The following IQSEC1 variants were observed in gnomAD, a reference collection of about 807,000 sequenced individuals.
IQSEC1 encodes the protein IQ motif and Sec7 domain ArfGEF 1, also known as IQ motif and SEC7 domain-containing protein 1.
In IQSEC1, 31 loss-of-function variants were observed where a neutral mutation model predicts 91.0. That is an observed-to-expected ratio of 0.34 (90% CI 0.26 to 0.46). The LOEUF (loss-of-function observed/expected upper bound fraction) is 0.46, where lower values mean the gene tolerates loss of function less well. Ranked by LOEUF, IQSEC1 falls within the 20% of genes least tolerant of loss-of-function variation. The probability of loss-of-function intolerance (pLI) is 1.00; values close to 1 mark genes in which losing one functional copy is unlikely to be tolerated. For synonymous variants in IQSEC1, 699 were observed against 662.6 expected (o/e 1.05, Z -0.84); for missense variants, 1,388 against 1,575.6 (o/e 0.88, Z 2.02).
intron 2 of IQSEC1, among the ~76,000 whole-genome samples, chr3:13,135,492 G>C (rs1256957454): frequency 6.6e-6 from 1 of 152,244 alleles, no homozygotes; most frequent in Non-Finnish European, 1.5e-5. Flanking sequence ...GGCCCAGGAG[G>C]TGACATGGGC....
At chr3:12,933,568 G>A (rs1697899474) in intron 3 of IQSEC1, among the ~76,000 whole-genome samples, 1 of 152,234 alleles carries the variant, frequency 6.6e-6, no homozygotes, top group Admixed American at 6.5e-5. Flanking sequence ...TCACCGCCCT[G>A]GGAGGAGGGT....
chr3:13,121,543 G>A (rs1282995991), intron 2 of IQSEC1, among the ~76,000 whole-genome samples: 2 of 152,194 alleles, frequency 1.3e-5, no homozygotes, highest in African/African-American at 4.8e-5. Flanking sequence ...TGTGGCCTGT[G>A]GGGGAGAAGG....
intron 12 of IQSEC1, among the ~76,000 whole-genome samples, chr3:12,903,039 T>G (rs901526051): frequency 5.3e-5 from 8 of 151,986 alleles, no homozygotes; most frequent in Non-Finnish European, 8.8e-5. Context: ...AAAATAAAGT[T>G]TTCGAAAAGC....
chr3:13,024,618 G>C (rs1425295911), intron 1 of IQSEC1, among the ~76,000 whole-genome samples: 1 of 141,084 alleles, frequency 7.1e-6, no homozygotes, highest in Non-Finnish European at 1.5e-5. Context: ...CCACCCATCT[G>C]TCCATCATCC....
chr3:13,236,831 C>T (rs1355649102), intron 1 of IQSEC1, among the ~76,000 whole-genome samples: 2 of 152,248 alleles, frequency 1.3e-5, no homozygotes, highest in African/African-American at 4.8e-5. Flanking sequence ...TCACCCCATG[C>T]AGCTGATGAT....
At position 13,271,759 on chromosome 3, in the gene IQSEC1, C is replaced by T. The variant is rs541711081; in HGVS notation, c.272+10952G>A. On this transcript the variant is annotated intron_variant, in intron 1 of 15. Coordinates refer to the IQSEC1 transcript ENST00000648114. ...ACAGTGAGCTCTGATTGCACCATTG[C>T]ACTCCAACCTGGATGACAGAGCAAG... Among the ~76,000 whole-genome samples, 160 of 152,300 alleles carry T rather than the reference C, an allele frequency of 1.1e-3. 3 individuals carry two copies. The highest frequency in any genetic ancestry group is 2.8e-4 in the Non-Finnish European group (19 of 68,032).
chr3:12,980,023 G>A (rs1701376534), intron 1 of IQSEC1, among the ~76,000 whole-genome samples: 1 of 152,198 alleles, frequency 6.6e-6, no homozygotes, highest in African/African-American at 2.4e-5. Context: ...CTCTTCCTGG[G>A]AACAAGACTT....
chr3:13,240,352 C>CAT (rs1054148772), intron 1 of IQSEC1, among the ~76,000 whole-genome samples: 2 of 152,130 alleles, frequency 1.3e-5, no homozygotes, highest in African/African-American at 4.8e-5. Flanking sequence ...GCCTGGGTGA[C>CAT]AGAGTGAGAC....
chr3:13,008,351 C>T lies in IQSEC1; in HGVS notation c.23+64641G>A, dbSNP rs188472869. ...GTAAGCATCCTCCACCAGTGACCGT[C>T]AGGCTGTCCACTGTCCAACCCAGAC... On this transcript the variant is annotated intron_variant, in intron 1 of 13. Transcript: ENST00000613206. The surrounding 1 kb of genome is among the most constrained non-coding windows in gnomAD (Gnocchi z 4.1). Among the ~76,000 whole-genome samples, 15 of 152,312 alleles carry T rather than the reference C, an allele frequency of 9.8e-5. No individual in the cohort carries two copies. Among genetic ancestry groups the T allele is most frequent in the Non-Finnish European group, 2.2e-4 (15 of 68,038 alleles).
intron 10 of IQSEC1, 108 bp downstream of exon 10, chr3:12,911,521 C>G: frequency 1.2e-6 from 1 of 803,684 alleles, no homozygotes. Flanking sequence ...GGGGATAAAA[C>G]AGGGGTGAGC....
intron 1 of IQSEC1, among the ~76,000 whole-genome samples, chr3:13,170,491 C>T (rs113522681): frequency 0.088 from 13,326 of 152,242 alleles, 860 homozygotes; most frequent in African/African-American, 0.18. Flanking sequence ...GGTAGATCCA[C>T]CAACAGCTTG....
intron 1 of IQSEC1, among the ~76,000 whole-genome samples, chr3:13,012,737 T>A (rs1349594661): frequency 1.3e-4 from 20 of 152,320 alleles, no homozygotes; most frequent in Non-Finnish European, 8.8e-5. Flanking sequence ...AATCCATATA[T>A]GAACACTGCG....
chr3:13,204,392 A>T (rs1358902436), intron 1 of IQSEC1, among the ~76,000 whole-genome samples: 1 of 152,258 alleles, frequency 6.6e-6, no homozygotes, highest in Non-Finnish European at 1.5e-5. Context: ...GCACCGCCCC[A>T]CATCGGCCGA....
At chr3:12,903,915 C>T (rs939838023) in intron 12 of IQSEC1, among the ~76,000 whole-genome samples, 1 of 152,234 alleles carries the variant, frequency 6.6e-6, no homozygotes, top group Non-Finnish European at 1.5e-5. Context: ...CCAATTCTCA[C>T]AGGCAGCAGG....
chr3:13,246,337 G>C (rs1428841291), intron 1 of IQSEC1, among the ~76,000 whole-genome samples: 3 of 152,250 alleles, frequency 2.0e-5, no homozygotes, highest in East Asian at 3.9e-4. Context: ...ATGGAGTCAG[G>C]GGTTCCAGGG....
At chr3:13,164,169 C>G (rs1249782049) in intron 1 of IQSEC1, among the ~76,000 whole-genome samples, 1 of 152,114 alleles carries the variant, frequency 6.6e-6, no homozygotes, top group Non-Finnish European at 1.5e-5. Flanking sequence ...GAGCCCAGAA[C>G]CCTCTGCTCC....
chr3:13,162,619 T>G (rs1200777163), intron 2 of IQSEC1, among the ~76,000 whole-genome samples: 1 of 152,214 alleles, frequency 6.6e-6, no homozygotes, highest in Non-Finnish European at 1.5e-5. Context: ...CTGCTTCTTT[T>G]TGCTGACAAA....
At chr3:13,025,843 G>C (rs1332862844) in intron 1 of IQSEC1, among the ~76,000 whole-genome samples, 1 of 152,198 alleles carries the variant, frequency 6.6e-6, no homozygotes, top group Non-Finnish European at 1.5e-5. Context: ...AGACCAGGGT[G>C]GGGTGGGCAA....
chr3:13,058,984 G>A (rs1704974213), intron 1 of IQSEC1, among the ~76,000 whole-genome samples: 1 of 152,024 alleles, frequency 6.6e-6, no homozygotes, highest in Non-Finnish European at 1.5e-5. Flanking sequence ...AGGTGGATGG[G>A]GGGGTAGTGC....
Sources: allele counts gnomAD v4.1 joint callset (sites outside exome capture counted in the v4.1 genomes callset), GRCh38; gene constraint gnomAD v4.1.1; non-coding constraint Gnocchi (gnomAD v3.1); transcripts MANE v1.5; gene names NCBI Gene and HGNC (gene_info 2026-07-23, HGNC 2026-07-21).